The following PPFIBP1 variants were observed in gnomAD, a reference collection of about 807,000 sequenced individuals.
PPFIBP1 encodes PPFIB scaffold protein 1, also known as liprin-beta-1.
PPFIBP1 carries 112 observed loss-of-function variants against 137.8 expected under a neutral mutation model. The ratio of observed to expected loss-of-function variants is 0.81; its 90% CI spans 0.70 to 0.95. PPFIBP1 has a LOEUF of 0.95. Ranked by LOEUF, PPFIBP1 falls within the 40% of genes least tolerant of loss-of-function variation. PPFIBP1 has a pLI of 0.00. For synonymous variants in PPFIBP1, 378 were observed against 417.3 expected (o/e 0.91, Z 1.15); for missense variants, 1,083 against 1,196.6 (o/e 0.91, Z 1.40).
chr12:27,612,335 T>TTTTG (rs1230821178), intron 2 of PPFIBP1, among the ~76,000 whole-genome samples: 11 of 139,396 alleles, frequency 7.9e-5, no homozygotes, highest in Non-Finnish European at 1.8e-4. Flanking sequence ...GGTGTTTTTT[T>TTTTG]TTTTTTTTTT....
chr12:27,609,856 T>C (rs1032018528), intron 2 of PPFIBP1, among the ~76,000 whole-genome samples: 2 of 152,196 alleles, frequency 1.3e-5, no homozygotes, highest in Non-Finnish European at 2.9e-5. Flanking sequence ...CCCAGGGGTA[T>C]CCATGGAGAA....
intron 2 of PPFIBP1, among the ~76,000 whole-genome samples, chr12:27,582,230 A>T (rs1199118350): frequency 6.6e-6 from 1 of 152,136 alleles, no homozygotes; most frequent in African/African-American, 2.4e-5. Context: ...GTGTGTGTGC[A>T]TACATGCTGT....
At chr12:27,529,081 TA>T (rs1944109840) in intron 1 of PPFIBP1, among the ~76,000 whole-genome samples, 1 of 152,188 alleles carries the variant, frequency 6.6e-6, no homozygotes, top group Non-Finnish European at 1.5e-5. Context: ...GAAGGAATTG[TA>T]TAAACTCAAA....
chr12:27,594,246 C>T (rs771557288), intron 2 of PPFIBP1, among the ~76,000 whole-genome samples: 28 of 133,876 alleles, frequency 2.1e-4, no homozygotes, highest in Non-Finnish European at 3.9e-4. Flanking sequence ...GGTGTGATCT[C>T]GGCTCACTGC....
intron 1 of PPFIBP1, among the ~76,000 whole-genome samples, chr12:27,574,948 A>G (rs1011983469): frequency 6.6e-6 from 1 of 152,342 alleles, no homozygotes; most frequent in African/African-American, 2.4e-5. Context: ...TTCCCAACGA[A>G]TATCACAATT....
rs918216636 is a variant in PPFIBP1, at chr12:27,692,987, G to A, written c.*105G>A. On this transcript the variant is annotated 3_prime_UTR_variant, in exon 30 of 30. Coordinates refer to ENST00000228425, the MANE Select transcript of PPFIBP1 (RefSeq NM_003622.4). ...GGCAGCGGATTGTCTATTGTTTGTT[G>A]TTCCAACTTCTGCTGTCGAGAAGTT... is the stretch of plus-strand genomic sequence containing the variant. 13 of 1,487,198 alleles carry A rather than the reference G, an allele frequency of 8.7e-6. No homozygotes were observed. In the African/African-American group the frequency reaches 1.4e-4, roughly 16 times the overall value. The allele number at this position is 1,487,198 out of a possible 1,614,324, so 92.1% of individuals were successfully genotyped here. A position where few individuals can be genotyped will look rare whatever the true frequency, so the allele number is the denominator to read the frequency against.
intron 1 of PPFIBP1, among the ~76,000 whole-genome samples, chr12:27,571,449 G>C (rs1464835171): frequency 6.6e-6 from 1 of 152,100 alleles, no homozygotes; most frequent in African/African-American, 2.4e-5. Context: ...AGGGAAAATG[G>C]GGGAGGAGAT....
rs2060344766 is a variant in PPFIBP1 at position 27,673,828 on chromosome 12, G to A, written c.1380+1G>A. ...TCTGAAGAAAGAGACATCTGATGGG[G>A]TGGGTTCTGTGTTTTTTGTTTTTTT... is the stretch of plus-strand genomic sequence containing the variant. On this transcript the variant is annotated splice_donor_variant, in intron 16 of 29. Coordinates refer to ENST00000228425, the MANE Select transcript of PPFIBP1 (RefSeq NM_003622.4). LOFTEE classifies it high-confidence loss of function. 1 of 1,612,574 alleles carries A rather than the reference G, an allele frequency of 6.2e-7. No homozygotes were observed. The highest frequency in any genetic ancestry group is 8.5e-7 in the Non-Finnish European group (1 of 1,179,304).
chr12:27,533,445 CT>C (rs1459032342), intron 1 of PPFIBP1, among the ~76,000 whole-genome samples: 1 of 152,152 alleles, frequency 6.6e-6, no homozygotes, highest in Non-Finnish European at 1.5e-5. Flanking sequence ...CACAAGGAGG[CT>C]AAGTAACTTT....
At chr12:27,555,352 C>T (rs961839799) in intron 1 of PPFIBP1, among the ~76,000 whole-genome samples, 2 of 152,200 alleles carry the variant, frequency 1.3e-5, no homozygotes, top group Non-Finnish European at 2.9e-5. Flanking sequence ...TGAAAATGCT[C>T]TGGAGATTTC....
chr12:27,537,044 CT>C (rs1455378132), intron 1 of PPFIBP1, among the ~76,000 whole-genome samples: 1 of 152,164 alleles, frequency 6.6e-6, no homozygotes, highest in Non-Finnish European at 1.5e-5. Context: ...TTCATTCCCC[CT>C]ACCAGTATAT....
chr12:27,530,017 A>G (rs1944237295), intron 1 of PPFIBP1, among the ~76,000 whole-genome samples: 1 of 152,204 alleles, frequency 6.6e-6, no homozygotes, highest in Non-Finnish European at 1.5e-5. Flanking sequence ...AAAGTTTTTC[A>G]TGAGGAAAGT....
At chr12:27,604,502 C>A (rs1375855622) in intron 2 of PPFIBP1, among the ~76,000 whole-genome samples, 2 of 152,140 alleles carry the variant, frequency 1.3e-5, no homozygotes, top group African/African-American at 4.8e-5. Context: ...TGGGCCAAAA[C>A]CTCCTGCCTG....
chr12:27,659,794 A>C (rs1419405257), intron 10 of PPFIBP1, among the ~76,000 whole-genome samples: 1 of 152,190 alleles, frequency 6.6e-6, no homozygotes, highest in African/African-American at 2.4e-5. Flanking sequence ...ACTTATCTTA[A>C]GAAGACTGGA....
intron 7 of PPFIBP1, among the ~76,000 whole-genome samples, chr12:27,652,546 C>A (rs2058937643): frequency 6.6e-6 from 1 of 152,164 alleles, no homozygotes; most frequent in Non-Finnish European, 1.5e-5. Context: ...GATTTTCCAG[C>A]TTGTGTTGTC....
At chr12:27,578,437 G>C (rs1323454779) in intron 2 of PPFIBP1, among the ~76,000 whole-genome samples, 198 bp downstream of exon 2, 1 of 152,156 alleles carries the variant, frequency 6.6e-6, no homozygotes, top group African/African-American at 2.4e-5. Context: ...AACATAGGTG[G>C]CTGTAGGATT....
chr12:27,675,317 A>G (rs1228656738), intron 17 of PPFIBP1, among the ~76,000 whole-genome samples: 2 of 152,220 alleles, frequency 1.3e-5, no homozygotes, highest in Admixed American at 1.3e-4. Flanking sequence ...AGTTCAATAA[A>G]TGGTTAAATG....
chr12:27,650,753 T>C (rs1479368492), intron 7 of PPFIBP1, among the ~76,000 whole-genome samples: 1 of 152,254 alleles, frequency 6.6e-6, no homozygotes, highest in East Asian at 1.9e-4. Context: ...TTATTGTTTG[T>C]TCTATTTTGT....
intron 27 of PPFIBP1, among the ~76,000 whole-genome samples, chr12:27,691,302 G>T (rs1043283595): frequency 2.0e-5 from 3 of 152,044 alleles, no homozygotes; most frequent in Non-Finnish European, 4.4e-5. Flanking sequence ...GAAGCCAGGT[G>T]CAGTGGCTTG....
Sources: gnomAD v4.1 joint callset for allele counts (sites outside exome capture counted in the v4.1 genomes callset) on GRCh38, gnomAD v4.1.1 for gene constraint, MANE v1.5 for transcripts, NCBI Gene and HGNC (gene_info 2026-07-23, HGNC 2026-07-21) for gene names.